The following NSG1 variants were observed in gnomAD, a reference collection of about 807,000 sequenced individuals.
NSG1 encodes neuronal vesicle trafficking associated 1.
Under a neutral mutation model 19.3 loss-of-function variants are expected in NSG1, and 9 were observed. The observed-to-expected ratio is 0.47, with a 90% CI of 0.28 to 0.81. NSG1 has a LOEUF of 0.81. NSG1 is among the 40% of genes least tolerant of loss of function. The pLI, the probability that NSG1 is intolerant of heterozygous loss-of-function variation, is 0.11. For synonymous variants in NSG1, 104 were observed against 107.0 expected (o/e 0.97, Z 0.17); for missense variants, 236 against 242.4 (o/e 0.97, Z 0.18).
intron 3 of NSG1, among the ~76,000 whole-genome samples, chr4:4,399,488 ATAT>A (rs138534597): frequency 1.3e-5 from 2 of 151,954 alleles, no homozygotes; most frequent in African/African-American, 2.4e-5. Flanking sequence ...TATTTTGGAT[ATAT>A]ATAAGCCCTT....
Position 4,417,595 on chromosome 4 carries a change from A to T in NSG1, c.*160A>T. ...GCTTTGCAAATAAAACTTGCTGCCG[A>T]CCACCCACGGGCATAAAATCAAGTG... On this transcript the variant is annotated 3_prime_UTR_variant, in exon 5 of 5. Transcript: ENST00000621129. The T allele has an allele frequency of 1.4e-6, 1 of 697,664 alleles. No homozygotes were observed. The highest frequency in any genetic ancestry group is 1.9e-5 in the South Asian group (1 of 52,960). 43.2% of individuals were successfully genotyped at this position (697,664 alleles called of 1,614,324 possible).
chr4:4,398,499 T>C (rs778626301), intron 3 of NSG1, among the ~76,000 whole-genome samples: 11 of 152,140 alleles, frequency 7.2e-5, no homozygotes, highest in Non-Finnish European at 1.5e-4. Flanking sequence ...CCCTGTGACT[T>C]ACCTATTCTA....
chr4:4,390,267 C>T (rs1722927603), intron 2 of NSG1, among the ~76,000 whole-genome samples: 1 of 152,222 alleles, frequency 6.6e-6, no homozygotes, highest in South Asian at 2.1e-4. Context: ...CCAGGCACCC[C>T]TCCCTCTCCA....
In NSG1 at chr4:4,400,308, C is replaced by T. The variant is rs140145898; in HGVS notation, c.246+8717C>T. On this transcript the variant is annotated intron_variant, in intron 3 of 4. Coordinates refer to ENST00000621129, the MANE Select transcript of NSG1 (RefSeq NM_014392.5). ...TGTTTCTGGACTCTCAATTGTATTACGTGGATTTATATATCTCGTCTTATG... is the reference window on the plus strand; with the variant it reads ...TGTTTCTGGACTCTCAATTGTATTATGTGGATTTATATATCTCGTCTTATG... 6.5e-3 allele frequency among the ~76,000 whole-genome samples: 984 copies of T among 152,262 alleles called. 9 individuals are homozygous for T. The highest frequency in any genetic ancestry group is 0.015 in the African/African-American group (621 of 41,544).
intron 4 of NSG1, chr4:4,415,845 A>C: frequency 2.1e-6 from 1 of 474,504 alleles, no homozygotes. Flanking sequence ...TGGAGAGGAC[A>C]GCGTGAAGGG....
chr4:4,398,469 G>A (rs1386929919), intron 3 of NSG1, among the ~76,000 whole-genome samples: 2 of 151,576 alleles, frequency 1.3e-5, no homozygotes, highest in Non-Finnish European at 1.5e-5. Flanking sequence ...CCCCTGGTTA[G>A]CCACAAATCT....
intron 3 of NSG1, among the ~76,000 whole-genome samples, chr4:4,408,693 CA>C (rs1443358274): frequency 4.6e-5 from 7 of 152,226 alleles, no homozygotes; most frequent in Non-Finnish European, 8.8e-5. Flanking sequence ...TTCCTGACCT[CA>C]GGTGATCCAC....
chr4:4,413,587 G>A (rs1280047614), intron 4 of NSG1, among the ~76,000 whole-genome samples: 5 of 151,330 alleles, frequency 3.3e-5, no homozygotes, highest in African/African-American at 4.9e-5. Flanking sequence ...AGGGAGCAGC[G>A]GGCAGTGGGG....
At chr4:4,399,161 G>C (rs764905777) in intron 3 of NSG1, among the ~76,000 whole-genome samples, 3 of 151,852 alleles carry the variant, frequency 2.0e-5, no homozygotes, top group Non-Finnish European at 4.4e-5. Flanking sequence ...TGTTGTTTTT[G>C]AGACAGGGTC....
chr4:4,402,663 C>T (rs764164452), intron 3 of NSG1, among the ~76,000 whole-genome samples: 3 of 152,230 alleles, frequency 2.0e-5, no homozygotes, highest in African/African-American at 7.2e-5. Context: ...GCTGGAATGA[C>T]AGGCCTGAGC....
At position 4,417,543 on chromosome 4, in the gene NSG1, G is replaced by A. The variant is rs1724646340; in HGVS notation, c.*108G>A. On this transcript the variant is annotated 3_prime_UTR_variant, in exon 5 of 5. Coordinates refer to ENST00000621129, the MANE Select transcript of NSG1 (RefSeq NM_014392.5). ...ATACTTTAGAGGTTACTCATTTACG[G>A]TGCAATTGCTTCTGTTTGCTAATGC... 9.0e-7 allele frequency: 1 copy of A among 1,113,552 alleles called. No homozygotes were observed. Among genetic ancestry groups the A allele is most frequent in the Non-Finnish European group, 1.3e-6 (1 of 773,984 alleles). 69.0% of individuals were successfully genotyped at this position (1,113,552 alleles called of 1,614,324 possible). A position where few individuals can be genotyped will look rare whatever the true frequency, so the allele number is the denominator to read the frequency against.
chr4:4,403,047 TTGTTCAGTGTG>T (rs1422731407), intron 3 of NSG1, among the ~76,000 whole-genome samples: 1 of 152,032 alleles, frequency 6.6e-6, no homozygotes, highest in Non-Finnish European at 1.5e-5. Flanking sequence ...TGTCCAAGAG[TTGTTCAGTGTG>T]TGTTCATTAG....
chr4:4,417,782 T>C lies in NSG1; in HGVS notation c.*347T>C, dbSNP rs1724661530. On this transcript the variant is annotated 3_prime_UTR_variant, in exon 5 of 5. Transcript: ENST00000621129. ...AATGCATTTTGTGGAATTGATTTTC[T>C]GAACCGACCCTGCTGTCTGCAAACC... The C allele has an allele frequency of 2.9e-6, 1 of 348,848 alleles. No individual in the cohort carries two copies. Among genetic ancestry groups the C allele is most frequent in the Non-Finnish European group, 5.5e-6 (1 of 183,100 alleles). 21.6% of individuals were successfully genotyped at this position (348,848 alleles called of 1,614,324 possible).
At position 4,418,945 on chromosome 4, in the gene NSG1, A is replaced by C. The variant is rs750328175; in HGVS notation, c.*1510A>C. 1 of 152,258 alleles carries C rather than the reference A, an allele frequency of 6.6e-6. No homozygotes were observed. The highest frequency in any genetic ancestry group is 2.4e-5 in the African/African-American group (1 of 41,458). The allele number at this position is 152,258 out of a possible 1,614,324, so 9.4% of individuals were successfully genotyped here. A position where few individuals can be genotyped will look rare whatever the true frequency, so the allele number is the denominator to read the frequency against. ...AGACACAAGTGAAGCCCGTGTGCGC[A>C]CAGTGCAGAGGCCGAGCCTGTATTT... On this transcript the variant is annotated 3_prime_UTR_variant, in exon 5 of 5. Coordinates refer to ENST00000621129, the MANE Select transcript of NSG1 (RefSeq NM_014392.5).
At chr4:4,393,342 A>T (rs1723093024) in intron 3 of NSG1, among the ~76,000 whole-genome samples, 2 of 152,164 alleles carry the variant, frequency 1.3e-5, no homozygotes, top group Admixed American at 6.5e-5. Context: ...CCACATGACC[A>T]CCTGAAGCAG....
At chr4:4,414,280 C>T (rs914948863) in intron 4 of NSG1, among the ~76,000 whole-genome samples, 1 of 151,762 alleles carries the variant, frequency 6.6e-6, no homozygotes, top group Non-Finnish European at 1.5e-5. Flanking sequence ...CTGGCGGCCA[C>T]AATGGAAGGG....
chr4:4,398,414 G>A (rs1723381122), intron 3 of NSG1, among the ~76,000 whole-genome samples: 1 of 151,884 alleles, frequency 6.6e-6, no homozygotes, highest in Admixed American at 6.6e-5. Context: ...CCCAAAAGGA[G>A]ACCCCATTCC....
chr4:4,415,967 C>G (rs1014245015), intron 4 of NSG1: 2 of 631,782 alleles, frequency 3.2e-6, no homozygotes, highest in Non-Finnish European at 5.7e-6. Context: ...AGGTGCTTCC[C>G]GACGTCCTGG....
At position 4,403,421 on chromosome 4, in the gene NSG1, C is replaced by G. The variant is rs117550466; in HGVS notation, c.247-6152C>G. Among the ~76,000 whole-genome samples the G allele has an allele frequency of 5.5e-4, 84 of 152,268 alleles. No individual in the cohort carries two copies. In the East Asian group the frequency reaches 0.016, roughly 29 times the overall value. On this transcript the variant is annotated intron_variant, in intron 3 of 4. Transcript: ENST00000621129. Reference sequence around the variant, plus strand: ...ATCACATGGGGCTCATGGTCCCGTCCTCCGCCGTCATATCCTGTAGCGCAA... The same window carrying G: ...ATCACATGGGGCTCATGGTCCCGTCGTCCGCCGTCATATCCTGTAGCGCAA...
Sources: allele counts gnomAD v4.1 joint callset (sites outside exome capture counted in the v4.1 genomes callset), GRCh38; gene constraint gnomAD v4.1.1; transcripts MANE v1.5; gene names NCBI Gene and HGNC (gene_info 2026-07-23, HGNC 2026-07-21).